CDK14: variants seen among roughly 807,000 people sequenced by gnomAD.
CDK14 encodes cyclin dependent kinase 14, also known as cyclin-dependent kinase 14.
A neutral mutation model predicts 60.7 loss-of-function variants in CDK14; 34 were observed. The observed-to-expected ratio is 0.56, with a 90% confidence interval of 0.43 to 0.75. CDK14 has a LOEUF of 0.75. Among genes scored for constraint, CDK14 ranks in the 30% least tolerant of loss-of-function variants. The pLI, the probability that CDK14 is intolerant of heterozygous loss-of-function variation, is 0.00. For missense variants in CDK14, 482 were observed against 564.1 expected (o/e 0.85, Z 1.47); for synonymous variants, 197 against 203.7 (o/e 0.97, Z 0.28).
At chr7:90,608,576 G>A (rs1799469593) in intron 2 of CDK14, 2 of 983,198 alleles carry the variant, frequency 2.0e-6, no homozygotes, top group Non-Finnish European at 2.4e-6. Context: ...TGGCTCTTTG[G>A]TGAGAAATAC....
At chr7:90,735,065 G>A (rs1803035402) in intron 3 of CDK14, among the ~76,000 whole-genome samples, 1 of 152,028 alleles carries the variant, frequency 6.6e-6, no homozygotes, top group South Asian at 2.1e-4. Context: ...TCTAACAGGC[G>A]CTTCTGCTGC....
At chr7:90,732,916 T>C (rs1563061558) in intron 3 of CDK14, among the ~76,000 whole-genome samples, 1 of 147,952 alleles carries the variant, frequency 6.8e-6, no homozygotes, top group Non-Finnish European at 1.5e-5. Context: ...TCTCTAGTTC[T>C]TTTAATTTTG....
At chr7:91,033,162 C>G (rs1796812824) in intron 10 of CDK14, among the ~76,000 whole-genome samples, 2 of 152,126 alleles carry the variant, frequency 1.3e-5, no homozygotes, top group South Asian at 4.1e-4. Context: ...GTCCTGCCAG[C>G]TTCCAGAAAT....
At chr7:91,097,435 T>TA (rs764197209) in intron 12 of CDK14, among the ~76,000 whole-genome samples, 18 of 152,078 alleles carry the variant, frequency 1.2e-4, no homozygotes, top group Non-Finnish European at 2.5e-4. Context: ...TACAAAGAAC[T>TA]AAATTTATAA....
chr7:90,803,603 TAAGA>T (rs1048567919), intron 5 of CDK14, among the ~76,000 whole-genome samples: 2 of 152,120 alleles, frequency 1.3e-5, no homozygotes, highest in African/African-American at 4.8e-5. Flanking sequence ...AGGTGGAGTA[TAAGA>T]AAGACAATGA....
At chr7:90,735,500 A>T (rs980957182) in intron 3 of CDK14, among the ~76,000 whole-genome samples, 3 of 152,196 alleles carry the variant, frequency 2.0e-5, no homozygotes, top group African/African-American at 7.2e-5. Flanking sequence ...TTCTTTCAGA[A>T]ATGCCCTGCC....
At chr7:90,899,027 G>A (rs1334000601) in intron 6 of CDK14, among the ~76,000 whole-genome samples, 2 of 151,796 alleles carry the variant, frequency 1.3e-5, no homozygotes, top group African/African-American at 2.4e-5. Context: ...AAGGAAATGA[G>A]ACACTTAACA....
rs1562918031 is a variant in CDK14, at chr7:91,132,000, T to TGTTTGTTG, written c.*28+13795_*28+13796insTGTTGGTT. Among the ~76,000 whole-genome samples the TGTTTGTTG allele has an allele frequency of 2.0e-5, 3 of 150,648 alleles. No individual in the cohort carries two copies. The East Asian group carries it at 5.9e-4, about 30-fold the overall frequency. ...CTCTTGTTCTTTTAGGAAGTTTTTT[T>TGTTTGTTG]GTTGGTTGGTTGGTTGGTTGGTTTT... On this transcript the variant is annotated intron_variant, in intron 14 of 14. Coordinates refer to ENST00000380050, the MANE Select transcript of CDK14 (RefSeq NM_001287135.2).
intron 2 of CDK14, among the ~76,000 whole-genome samples, chr7:90,670,091 A>G (rs1436708437): frequency 4.6e-5 from 7 of 152,250 alleles, no homozygotes; most frequent in Non-Finnish European, 1.0e-4. Flanking sequence ...GTTACACTCT[A>G]CCATTGGTAT....
chr7:90,793,586 G>A (rs978384032), intron 5 of CDK14, among the ~76,000 whole-genome samples: 2 of 152,222 alleles, frequency 1.3e-5, no homozygotes, highest in African/African-American at 4.8e-5. Context: ...GAATAGTTAA[G>A]ATCAGGAGTT....
At chr7:90,905,732 AT>A (rs1349968820) in intron 7 of CDK14, among the ~76,000 whole-genome samples, 2 of 152,164 alleles carry the variant, frequency 1.3e-5, no homozygotes, top group Admixed American at 6.5e-5. Context: ...AATACATTAA[AT>A]TACTGTAATT....
chr7:90,772,024 G>T (rs1384927710), intron 4 of CDK14, among the ~76,000 whole-genome samples: 1 of 152,214 alleles, frequency 6.6e-6, no homozygotes, highest in Non-Finnish European at 1.5e-5. Context: ...CTAACAGATG[G>T]ACTTTTGGGA....
intron 11 of CDK14, among the ~76,000 whole-genome samples, chr7:91,078,091 A>G (rs1025620933): frequency 3.3e-5 from 5 of 152,220 alleles, no homozygotes; most frequent in African/African-American, 1.2e-4. Context: ...GGCATTTATT[A>G]AAATGTAAAA....
chr7:91,024,149 T>TGAG (rs1796508635), intron 10 of CDK14, among the ~76,000 whole-genome samples: 1 of 151,718 alleles, frequency 6.6e-6, no homozygotes, highest in African/African-American at 2.4e-5. Context: ...ATGATGATGA[T>TGAG]GATAATGATG....
intron 14 of CDK14, among the ~76,000 whole-genome samples, chr7:91,180,453 C>A (rs1440447655): frequency 6.6e-6 from 1 of 151,818 alleles, no homozygotes; most frequent in East Asian, 1.9e-4. Context: ...ACAGCCCCAT[C>A]TCTGTAACGC....
chr7:90,803,582 A>G (rs1453920531), intron 5 of CDK14, among the ~76,000 whole-genome samples: 6 of 152,030 alleles, frequency 3.9e-5, no homozygotes, highest in African/African-American at 4.8e-5. Context: ...GTGGTTGGGG[A>G]TAGGGGAGGC....
At chr7:90,647,314 T>C (rs990679192) in intron 2 of CDK14, among the ~76,000 whole-genome samples, 1 of 152,128 alleles carries the variant, frequency 6.6e-6, no homozygotes, top group Non-Finnish European at 1.5e-5. Context: ...CTGTGACTGG[T>C]TCTTTGATTA....
intron 5 of CDK14, among the ~76,000 whole-genome samples, chr7:90,802,750 A>C (rs184797081): frequency 6.6e-6 from 1 of 152,366 alleles, no homozygotes; most frequent in East Asian, 1.9e-4. Context: ...GCAATCAAGG[A>C]ATAATGAAAA....
chr7:90,913,353 A>G (rs1333255523), intron 7 of CDK14, among the ~76,000 whole-genome samples: 1 of 152,172 alleles, frequency 6.6e-6, no homozygotes, highest in Admixed American at 6.5e-5. Context: ...ATATTTTGTT[A>G]AGGATGTTAA....
Sources: gnomAD v4.1 joint callset for allele counts (sites outside exome capture counted in the v4.1 genomes callset) on GRCh38, gnomAD v4.1.1 for gene constraint, MANE v1.5 for transcripts, NCBI Gene and HGNC (gene_info 2026-07-23, HGNC 2026-07-21) for gene names.